KCNH5: variants seen among roughly 807,000 people sequenced by gnomAD.
KCNH5 encodes the protein potassium voltage-gated channel subfamily H member 5, also known as voltage-gated delayed rectifier potassium channel KCNH5.
In KCNH5, 46 loss-of-function variants were observed where a neutral mutation model predicts 96.1. The ratio of observed to expected loss-of-function variants is 0.48; its 90% CI spans 0.38 to 0.61. The LOEUF (loss-of-function observed/expected upper bound fraction) is 0.61. Among genes scored for constraint, KCNH5 ranks in the 20% least tolerant of loss-of-function variants. The pLI is 0.00. For missense variants in KCNH5, 907 were observed against 1,225.8 expected, an observed-to-expected ratio of 0.74 and a Z score of 3.88; for synonymous variants, 439 against 449.8, an observed-to-expected ratio of 0.98 and a Z score of 0.30.
chr14:63,005,575 T>A lies in KCNH5; in HGVS notation c.304+791A>T, dbSNP rs1286915934. ...ACAATAAATAAATTGACTCATCTTATGAAGTGACTGTTCATTTCAAAAAAG... is the reference window on the plus strand; with the variant it reads ...ACAATAAATAAATTGACTCATCTTAAGAAGTGACTGTTCATTTCAAAAAAG... On this transcript the variant is annotated intron_variant, in intron 3 of 10. Transcript: ENST00000322893. Among the ~76,000 whole-genome samples the A allele has an allele frequency of 2.0e-5, 3 of 152,182 alleles. No individual in the cohort carries two copies. In the East Asian group the frequency reaches 5.8e-4, roughly 29 times the overall value.
chr14:62,722,433 C>T (rs1884834999), intron 10 of KCNH5, among the ~76,000 whole-genome samples: 2 of 151,840 alleles, frequency 1.3e-5, no homozygotes, highest in Non-Finnish European at 1.5e-5. Context: ...AAAAATCTTC[C>T]CCAAGTCTAC....
At chr14:62,804,834 T>C (rs1230407477) in intron 8 of KCNH5, among the ~76,000 whole-genome samples, 1 of 152,168 alleles carries the variant, frequency 6.6e-6, no homozygotes, top group Non-Finnish European at 1.5e-5. Context: ...GAGGAAATAC[T>C]AGCTCTTATC....
At chr14:62,875,837 G>A (rs1460089549) in intron 7 of KCNH5, among the ~76,000 whole-genome samples, 1 of 151,960 alleles carries the variant, frequency 6.6e-6, no homozygotes, top group African/African-American at 2.4e-5. Context: ...GTTAGAAATT[G>A]TCAATGTTAC....
intron 10 of KCNH5, among the ~76,000 whole-genome samples, chr14:62,717,742 C>A (rs753576019): frequency 6.6e-6 from 1 of 152,094 alleles, no homozygotes; most frequent in Non-Finnish European, 1.5e-5. Flanking sequence ...ACAATGGTTT[C>A]GTAGATAGGT....
At chr14:62,816,883 C>G (rs1392365861) in intron 8 of KCNH5, among the ~76,000 whole-genome samples, 1 of 151,344 alleles carries the variant, frequency 6.6e-6, no homozygotes, top group African/African-American at 2.4e-5. Context: ...GACCCATCTT[C>G]AAGTTCACAG....
rs778268007 is a variant in KCNH5, at chr14:62,948,161, C to T, written c.1369+1972G>A. Reference sequence around the variant, plus strand: ...GTCCCTACAAAGGACATGAACGCATCATTTTTTATGGCTGCATAGTATTCC... The same window carrying T: ...GTCCCTACAAAGGACATGAACGCATTATTTTTTATGGCTGCATAGTATTCC... On this transcript the variant is annotated intron_variant, in intron 7 of 10. Coordinates refer to ENST00000322893, the MANE Select transcript of KCNH5 (RefSeq NM_139318.5). 1.1e-3 allele frequency among the ~76,000 whole-genome samples: 175 copies of T among 152,286 alleles called. 2 individuals carry two copies. Among genetic ancestry groups the T allele is most frequent in the Non-Finnish European group, 2.2e-3 (150 of 68,030 alleles).
chr14:62,742,022 A>G (rs980220896), intron 10 of KCNH5, among the ~76,000 whole-genome samples: 1 of 152,118 alleles, frequency 6.6e-6, no homozygotes, highest in African/African-American at 2.4e-5. Context: ...TGTGAATCTC[A>G]GGTTTTTGGC....
At chr14:62,721,708 C>G (rs4902182) in intron 10 of KCNH5, among the ~76,000 whole-genome samples, 141,657 of 152,204 alleles carry the variant, frequency 0.93, 66,586 homozygotes, top group Non-Finnish European at 1. Flanking sequence ...ATACAAGCCA[C>G]CCAACACTAA....
chr14:62,769,085 T>A (rs8020361), intron 10 of KCNH5, among the ~76,000 whole-genome samples: 1 of 152,244 alleles, frequency 6.6e-6, no homozygotes, highest in South Asian at 2.1e-4. Flanking sequence ...TGGAGCCAGC[T>A]TGGAGTTGAA....
At chr14:62,844,277 T>C (rs1403684772) in intron 8 of KCNH5, among the ~76,000 whole-genome samples, 1 of 152,204 alleles carries the variant, frequency 6.6e-6, no homozygotes, top group Non-Finnish European at 1.5e-5. Flanking sequence ...GGTAAGGTTT[T>C]AGACCTTTCA....
At chr14:63,028,461 C>A (rs1891565566) in intron 1 of KCNH5, among the ~76,000 whole-genome samples, 1 of 152,130 alleles carries the variant, frequency 6.6e-6, no homozygotes, top group Admixed American at 6.6e-5. Flanking sequence ...CTTCACTGAT[C>A]ACTCATCAGG....
intron 10 of KCNH5, chr14:62,712,715 C>T (rs771086096): frequency 1.3e-6 from 1 of 778,694 alleles, no homozygotes; most frequent in East Asian, 2.4e-5. Flanking sequence ...GGAGAACCAT[C>T]CCTGAAAGCA....
intron 8 of KCNH5, among the ~76,000 whole-genome samples, chr14:62,823,466 C>A (rs903014430): frequency 6.6e-6 from 1 of 151,918 alleles, no homozygotes; most frequent in Non-Finnish European, 1.5e-5. Flanking sequence ...GAAATTAATA[C>A]CTCTAAACAC....
At chr14:62,890,796 A>G (rs1292059367) in intron 7 of KCNH5, among the ~76,000 whole-genome samples, 1 of 152,352 alleles carries the variant, frequency 6.6e-6, no homozygotes, top group East Asian at 1.9e-4. Flanking sequence ...AAAAAAACTC[A>G]GTATCACTGA....
At chr14:62,998,478 T>C (rs1358329771) in intron 4 of KCNH5, among the ~76,000 whole-genome samples, 2 of 152,214 alleles carry the variant, frequency 1.3e-5, no homozygotes, top group African/African-American at 2.4e-5. Context: ...AGGTTTATTA[T>C]TCCTTGTCTT....
intron 8 of KCNH5, among the ~76,000 whole-genome samples, chr14:62,824,420 C>T (rs1302883087): frequency 6.6e-6 from 1 of 151,926 alleles, no homozygotes; most frequent in African/African-American, 2.4e-5. Context: ...GTAAGAGGAG[C>T]ATTAGTAAAC....
intron 1 of KCNH5, among the ~76,000 whole-genome samples, chr14:63,041,057 G>T (rs1255896518): frequency 6.6e-6 from 1 of 151,672 alleles, no homozygotes; most frequent in East Asian, 2.0e-4. Context: ...TAGTTAAAAG[G>T]TATTAATTTG....
intron 8 of KCNH5, among the ~76,000 whole-genome samples, chr14:62,830,557 C>A (rs1302775339): frequency 6.6e-6 from 1 of 152,146 alleles, no homozygotes; most frequent in Admixed American, 6.5e-5. Flanking sequence ...AAGAGGGGAA[C>A]TGCCACACAC....
At chr14:62,811,585 A>G (rs553288741) in intron 8 of KCNH5, among the ~76,000 whole-genome samples, 5 of 152,290 alleles carry the variant, frequency 3.3e-5, no homozygotes, top group Admixed American at 6.5e-5. Flanking sequence ...TTAGTAATAC[A>G]TAGAAGAAAA....
Sources: allele counts gnomAD v4.1 joint callset (sites outside exome capture counted in the v4.1 genomes callset), GRCh38; gene constraint gnomAD v4.1.1; transcripts MANE v1.5; gene names NCBI Gene and HGNC (gene_info 2026-07-23, HGNC 2026-07-21).